Variants in IMMP2L observed in about 807,000 individuals in gnomAD.
IMMP2L encodes the protein inner mitochondrial membrane peptidase subunit 2, also known as mitochondrial inner membrane protease subunit 2.
IMMP2L carries 18 observed loss-of-function variants against 19.3 expected under a neutral mutation model. That is an observed-to-expected ratio of 0.93 (90% CI 0.64 to 1.38). The LOEUF is 1.38. IMMP2L is among the 40% of genes most tolerant of loss of function. The probability of loss-of-function intolerance (pLI) is 0.00; values close to 1 mark genes in which losing one functional copy is unlikely to be tolerated. For synonymous variants in IMMP2L, 76 were observed against 73.0 expected (o/e 1.04, Z -0.21); for missense variants, 233 against 218.2 (o/e 1.07, Z -0.43).
At chr7:111,432,111 G>T (rs1182502258) in intron 3 of IMMP2L, among the ~76,000 whole-genome samples, 1 of 151,738 alleles carries the variant, frequency 6.6e-6, no homozygotes, top group Admixed American at 6.6e-5. Context: ...AATAGGGAAA[G>T]GTGCAGTCTT....
At chr7:111,304,669 A>AATGT (rs1554439052) in intron 3 of IMMP2L, among the ~76,000 whole-genome samples, 3 of 60,594 alleles carry the variant, frequency 5.0e-5, no homozygotes, top group Non-Finnish European at 1.1e-4. Context: ...ACACATATAT[A>AATGT]ATGTGTGTGT....
At chr7:110,665,733 A>C (rs1032432221) in intron 5 of IMMP2L, among the ~76,000 whole-genome samples, 1 of 152,118 alleles carries the variant, frequency 6.6e-6, no homozygotes, top group African/African-American at 2.4e-5. Flanking sequence ...CATTGTTGTG[A>C]TGCCAAGTTT....
At chr7:111,023,780 G>A (rs1826540041) in intron 3 of IMMP2L, among the ~76,000 whole-genome samples, 1 of 152,050 alleles carries the variant, frequency 6.6e-6, no homozygotes, top group African/African-American at 2.4e-5. Flanking sequence ...TGAATGACGG[G>A]GATGTAGTGG....
At chr7:111,421,083 T>C (rs1022090544) in intron 3 of IMMP2L, among the ~76,000 whole-genome samples, 1 of 151,738 alleles carries the variant, frequency 6.6e-6, no homozygotes, top group African/African-American at 2.4e-5. Flanking sequence ...TCCCTGAGTT[T>C]TTAATGATTG....
chr7:111,283,481 G>A (rs1820126007), intron 3 of IMMP2L, among the ~76,000 whole-genome samples: 1 of 152,156 alleles, frequency 6.6e-6, no homozygotes, highest in Admixed American at 6.6e-5. Flanking sequence ...AAGCAGGGAG[G>A]TGTTGAAGTG....
intron 2 of IMMP2L, among the ~76,000 whole-genome samples, chr7:111,509,262 C>T (rs1396258255): frequency 1.3e-5 from 2 of 152,108 alleles, no homozygotes; most frequent in Non-Finnish European, 2.9e-5. Context: ...GCTCATTAAT[C>T]TTCATTAATA....
chr7:111,383,129 G>A (rs932511772), intron 3 of IMMP2L, among the ~76,000 whole-genome samples: 11 of 152,012 alleles, frequency 7.2e-5, no homozygotes, highest in Non-Finnish European at 1.5e-4. Context: ...ATCTCTCTAC[G>A]GTTTCTATCT....
chr7:110,965,056 T>C (rs576178583), intron 3 of IMMP2L, among the ~76,000 whole-genome samples: 1 of 152,118 alleles, frequency 6.6e-6, no homozygotes, highest in Non-Finnish European at 1.5e-5. Flanking sequence ...ATAATAAACG[T>C]TTGTTGTTTT....
chr7:111,033,957 G>A (rs1205069950), intron 3 of IMMP2L, among the ~76,000 whole-genome samples: 2 of 152,126 alleles, frequency 1.3e-5, no homozygotes, highest in African/African-American at 4.8e-5. Context: ...ATAAACTATA[G>A]TGACATAAAG....
chr7:110,757,143 C>T lies in IMMP2L; in HGVS notation c.409-93422G>A, dbSNP rs188510073. 5.9e-5 allele frequency among the ~76,000 whole-genome samples: 9 copies of T among 151,798 alleles called. No homozygotes were observed. The highest frequency in any genetic ancestry group is 1.4e-4 in the African/African-American group (6 of 41,400). ...AGCATGTTAGTTAGATTGAAATACGCGTAATGGAGAAAAATAAAGTCAGAA... is the reference window on the plus strand; with the variant it reads ...AGCATGTTAGTTAGATTGAAATACGTGTAATGGAGAAAAATAAAGTCAGAA... On this transcript the variant is annotated intron_variant, in intron 5 of 5. Coordinates refer to ENST00000405709, the MANE Select transcript of IMMP2L (RefSeq NM_032549.4). This position sits in a 1 kb window ranked among gnomAD's most constrained non-coding sequence, Gnocchi z 4.2.
intron 2 of IMMP2L, among the ~76,000 whole-genome samples, chr7:111,490,564 T>C (rs933629249): frequency 1.3e-5 from 2 of 152,066 alleles, no homozygotes; most frequent in Non-Finnish European, 2.9e-5. Flanking sequence ...GCACGTTTTC[T>C]TTCCTCTCTA....
chr7:110,897,539 A>T (rs996765484), intron 4 of IMMP2L, among the ~76,000 whole-genome samples: 5 of 152,220 alleles, frequency 3.3e-5, no homozygotes, highest in South Asian at 2.1e-4. Flanking sequence ...ATCTGGCAGC[A>T]TCCATAACAT....
rs182525022 is a variant in IMMP2L, at chr7:111,052,820, T to C, written c.240-89255A>G. Among the ~76,000 whole-genome samples, 288 of 152,332 alleles carry C rather than the reference T, an allele frequency of 1.9e-3. 1 individual carries two copies. Among genetic ancestry groups the C allele is most frequent in the African/African-American group, 6.8e-3 (282 of 41,570 alleles). On this transcript the variant is annotated intron_variant, in intron 3 of 5. Coordinates refer to ENST00000405709, the MANE Select transcript of IMMP2L (RefSeq NM_032549.4). ...GCCAAGAAAGAAGACAGAGACTTTA[T>C]AGTGTGGTTTTCCCCTTCAGAACAG...
rs535873790 is a variant in IMMP2L at position 111,051,489 on chromosome 7, T to A, written c.240-87924A>T. 4.6e-5 allele frequency among the ~76,000 whole-genome samples: 7 copies of A among 152,360 alleles called. No homozygotes were observed. In the South Asian group the frequency reaches 1.4e-3, roughly 32 times the overall value. ...TTATCATCAGAATATATTTCTGAAG[T>A]GTTTCAAAGCCTTTTGATAAAAACT... On this transcript the variant is annotated intron_variant, in intron 3 of 5. Transcript: ENST00000405709.
intron 3 of IMMP2L, among the ~76,000 whole-genome samples, chr7:110,969,185 G>A (rs1291803712): frequency 6.6e-6 from 1 of 151,860 alleles, no homozygotes; most frequent in Non-Finnish European, 1.5e-5. Flanking sequence ...TTTTAGTTTT[G>A]GATTCTGTAC....
intron 3 of IMMP2L, among the ~76,000 whole-genome samples, chr7:111,227,423 C>G (rs953283772): frequency 6.6e-6 from 1 of 152,082 alleles, no homozygotes; most frequent in Non-Finnish European, 1.5e-5. Flanking sequence ...GGATATCTCC[C>G]TGTTTTCTTT....
At chr7:111,318,700 T>C (rs1044184420) in intron 3 of IMMP2L, among the ~76,000 whole-genome samples, 4 of 152,138 alleles carry the variant, frequency 2.6e-5, no homozygotes, top group Non-Finnish European at 5.9e-5. Flanking sequence ...ACCAAGCCAC[T>C]TGAAGACGGA....
chr7:111,136,039 T>A (rs1802302400), intron 3 of IMMP2L, among the ~76,000 whole-genome samples: 1 of 152,092 alleles, frequency 6.6e-6, no homozygotes. Flanking sequence ...ACAATTTTTT[T>A]TTTTTTTGAG....
At chr7:111,224,103 C>T (rs117322252) in intron 3 of IMMP2L, among the ~76,000 whole-genome samples, 1 of 152,188 alleles carries the variant, frequency 6.6e-6, no homozygotes, top group African/African-American at 2.4e-5. Context: ...CCACTTCCCC[C>T]TCTCTCAACC....
Sources: gnomAD v4.1 joint callset for allele counts (sites outside exome capture counted in the v4.1 genomes callset) on GRCh38, gnomAD v4.1.1 for gene constraint, Gnocchi (gnomAD v3.1) non-coding constraint, MANE v1.5 for transcripts, NCBI Gene and HGNC (gene_info 2026-07-23, HGNC 2026-07-21) for gene names.